The following HECTD4 variants were observed in gnomAD, a reference collection of about 807,000 sequenced individuals.
The protein encoded by HECTD4 is probable E3 ubiquitin-protein ligase HECTD4.
In HECTD4, 114 loss-of-function variants were observed where a neutral mutation model predicts 471.5. That is an observed-to-expected ratio of 0.24 (90% CI 0.21 to 0.28). HECTD4 has a LOEUF of 0.28. Among genes scored for constraint, HECTD4 ranks in the 10% least tolerant of loss-of-function variants. The pLI is 1.00. For missense variants in HECTD4, 3,866 were observed against 5,651.5 expected (o/e 0.68, Z 10.13); for synonymous variants, 2,012 against 2,256.0 (o/e 0.89, Z 3.07).
At chr12:112,204,686 G>T in intron 52 of HECTD4, 63 bp from the exon 53 acceptor site, 1 of 1,261,106 alleles carries the variant, frequency 7.9e-7, no homozygotes, top group Non-Finnish European at 1.1e-6. Context: ...CCATGACACT[G>T]ACTTACATGT....
chr12:112,342,886 T>C (rs181573340), intron 1 of HECTD4, among the ~76,000 whole-genome samples: 1 of 152,328 alleles, frequency 6.6e-6, no homozygotes, highest in Admixed American at 6.5e-5. Context: ...ATGTAACAGT[T>C]AAAATGAAGC....
chr12:112,354,990 T>C (rs534647642), intron 1 of HECTD4, among the ~76,000 whole-genome samples: 1 of 152,032 alleles, frequency 6.6e-6, no homozygotes, highest in African/African-American at 2.4e-5. Context: ...TTTTAATTTT[T>C]TTTTTTTTGA....
At position 112,240,045 on chromosome 12, in the gene HECTD4, A is replaced by G. The variant is rs1212526213; in HGVS notation, c.4959-18T>C. The G allele has an allele frequency of 6.2e-7, 1 of 1,612,942 alleles. No individual in the cohort carries two copies. The highest frequency in any genetic ancestry group is 1.3e-5 in the African/African-American group (1 of 75,006). On this transcript the variant is annotated intron_variant, in intron 32 of 75. Transcript: ENST00000682272. ...CTTCAATTCTGTGAAAGAGAAACCA[A>G]AGCTCAGGCTTCCTGAACCATGTCA...
At chr12:112,176,044 C>T (rs1057068423) in intron 65 of HECTD4, among the ~76,000 whole-genome samples, 185 bp from the exon 66 acceptor site, 3 of 152,242 alleles carry the variant, frequency 2.0e-5, no homozygotes. Flanking sequence ...TACTCATAAG[C>T]CCTCATGTGC....
rs897186612 is a variant in HECTD4, at chr12:112,208,718, C to T, written c.7868-88G>A. On this transcript the variant is annotated intron_variant, in intron 50 of 75. Coordinates refer to ENST00000682272, the MANE Select transcript of HECTD4 (RefSeq NM_001388303.1). ...CTCACCCTTAGACAAACCAGATTAT[C>T]TTAATTTGCATGATAGGAAGACTCC... 5.7e-6 allele frequency: 7 copies of T among 1,236,832 alleles called. 1 individual carries two copies. In the African/African-American group the frequency reaches 1.1e-4, roughly 19 times the overall value. 76.6% of individuals were successfully genotyped at this position (1,236,832 alleles called of 1,614,324 possible).
At chr12:112,170,863 T>C (rs552019650) in intron 68 of HECTD4, 13 of 499,290 alleles carry the variant, frequency 2.6e-5, no homozygotes, top group South Asian at 8.9e-5. Flanking sequence ...CAGACCTTCA[T>C]ATATGATTTC....
At chr12:112,263,348 C>T (rs2034190881) in intron 17 of HECTD4, among the ~76,000 whole-genome samples, 1 of 152,078 alleles carries the variant, frequency 6.6e-6, no homozygotes, top group South Asian at 2.1e-4. Context: ...GTTGATTTTT[C>T]AGTGTGTTTA....
chr12:112,243,528 C>T lies in HECTD4; in HGVS notation c.4792-9G>A. ...AAACTGCTGCTGGACACCTGAAACA[C>T]ACAAGGAGGGACACCTGACTCCTGC... On this transcript the variant is annotated splice_polypyrimidine_tract_variant and intron_variant, in intron 31 of 75. Coordinates refer to ENST00000682272, the MANE Select transcript of HECTD4 (RefSeq NM_001388303.1). This position sits in a 1 kb window ranked among gnomAD's most constrained non-coding sequence, Gnocchi z 6.6. 1 of 1,603,532 alleles carries T rather than the reference C, an allele frequency of 6.2e-7. No individual in the cohort carries two copies. The highest frequency in any genetic ancestry group is 8.5e-7 in the Non-Finnish European group (1 of 1,174,902).
chr12:112,296,609 GTAGGTGCATTGGA>G, intron 7 of HECTD4, among the ~76,000 whole-genome samples: 1 of 151,540 alleles, frequency 6.6e-6, no homozygotes, highest in Non-Finnish European at 1.5e-5. Flanking sequence ...TGCAGAGGAA[GTAGGTGCATTGGA>G]TGTAGGTGCA....
At chr12:112,310,350 A>T (rs2035348078) in intron 4 of HECTD4, among the ~76,000 whole-genome samples, 2 of 152,350 alleles carry the variant, frequency 1.3e-5, no homozygotes, top group Admixed American at 1.3e-4. Context: ...GACAAAGCAC[A>T]AAAGTTTCAT....
At chr12:112,245,168 A>G (rs1294857967) in intron 29 of HECTD4, among the ~76,000 whole-genome samples, 1 of 152,030 alleles carries the variant, frequency 6.6e-6, no homozygotes, top group African/African-American at 2.4e-5. Context: ...ATGCCTGGCT[A>G]ATTTTTATAT....
chr12:112,326,139 GAA>G (rs2035739285), intron 1 of HECTD4, among the ~76,000 whole-genome samples: 1 of 152,136 alleles, frequency 6.6e-6, no homozygotes, highest in Non-Finnish European at 1.5e-5. Flanking sequence ...AAGTCTAATT[GAA>G]TGTGGGTAAA....
intron 7 of HECTD4, among the ~76,000 whole-genome samples, chr12:112,285,985 G>A (rs572419372): frequency 4.6e-5 from 7 of 151,654 alleles, no homozygotes; most frequent in Non-Finnish European, 7.4e-5. Flanking sequence ...GCATTCAAAA[G>A]CATTACCCAA....
Position 112,235,243 on chromosome 12 carries a change from T to A in HECTD4, c.5749A>T (p.Thr1917Ser), listed in dbSNP as rs111790702. The change falls in exon 37 of 76, where the codon ACC becomes TCC. Residue 1917 changes from threonine (T) to serine (S), a missense_variant. Coordinates refer to ENST00000682272, the MANE Select transcript of HECTD4 (RefSeq NM_001388303.1). This position sits in a 1 kb window ranked among gnomAD's most constrained non-coding sequence, Gnocchi z 5.0. ...AATGTGGTGTCAGGTTCAGAAGCGGTTGGAGAAAGAACTGTCTGACATCCT... is the reference window on the plus strand; with the variant it reads ...AATGTGGTGTCAGGTTCAGAAGCGGATGGAGAAAGAACTGTCTGACATCCT... ...VPGCQTVLSPTASEPDTTLTK... is the reference protein window; with the variant it reads ...VPGCQTVLSPSASEPDTTLTK... 7,994 of 1,613,802 alleles carry A rather than the reference T, an allele frequency of 5.0e-3. 29 individuals carry two copies. The highest frequency in any genetic ancestry group is 6.3e-3 in the Non-Finnish European group (7,465 of 1,179,818).
intron 48 of HECTD4, 76 bp downstream of exon 48, chr12:112,216,216 T>C: frequency 1.1e-6 from 1 of 942,538 alleles, no homozygotes. Flanking sequence ...CTAAATTTAT[T>C]CAACTTTAAC....
intron 45 of HECTD4, among the ~76,000 whole-genome samples, chr12:112,218,983 C>T (rs1370239102): frequency 6.6e-6 from 1 of 152,138 alleles, no homozygotes; most frequent in African/African-American, 2.4e-5. Context: ...ATCTGCCCAG[C>T]ATGGCCTCTC....
At chr12:112,324,046 CTTTCTTTCTTTCTTTCT>C (rs1307835274) in intron 1 of HECTD4, among the ~76,000 whole-genome samples, 11 of 46,444 alleles carry the variant, frequency 2.4e-4, no homozygotes, top group African/African-American at 2.3e-3. Flanking sequence ...TCCTTCCTTC[CTTTCTTTCTTTCTTTCT>C]TTCTTTCTTT....
At chr12:112,200,046 G>A (rs984847098) in intron 55 of HECTD4, among the ~76,000 whole-genome samples, 2 of 152,138 alleles carry the variant, frequency 1.3e-5, no homozygotes, top group East Asian at 3.8e-4. Flanking sequence ...GCATTGCAGC[G>A]TTTGGGTGGT....
chr12:112,374,744 A>G (rs2036746834), intron 1 of HECTD4, among the ~76,000 whole-genome samples: 1 of 152,244 alleles, frequency 6.6e-6, no homozygotes, highest in South Asian at 2.1e-4. Context: ...GAATAGACCA[A>G]CATAAATCTA....
Sources: allele counts gnomAD v4.1 joint callset (sites outside exome capture counted in the v4.1 genomes callset), GRCh38; gene constraint gnomAD v4.1.1; non-coding constraint Gnocchi (gnomAD v3.1); transcripts MANE v1.5; gene names NCBI Gene and HGNC (gene_info 2026-07-23, HGNC 2026-07-21).